WWC2: variants seen among roughly 807,000 people sequenced by gnomAD.
WWC2 encodes protein WWC2.
In WWC2, 101 loss-of-function variants were observed where a neutral mutation model predicts 138.5. The ratio of observed to expected loss-of-function variants is 0.73; its 90% CI spans 0.62 to 0.86. The LOEUF is 0.86. Ranked by LOEUF, WWC2 falls within the 40% of genes least tolerant of loss-of-function variation. WWC2 has a pLI of 0.00. For synonymous variants in WWC2, 558 were observed against 538.4 expected, an observed-to-expected ratio of 1.04 and a Z score of -0.50; for missense variants, 1,420 against 1,419.4, an observed-to-expected ratio of 1.00 and a Z score of -0.01.
At chr4:183,110,192 A>G (rs1027847684) in intron 1 of WWC2, among the ~76,000 whole-genome samples, 3 of 152,254 alleles carry the variant, frequency 2.0e-5, no homozygotes, top group African/African-American at 7.2e-5. Context: ...AGAGTTGTAC[A>G]TAGGACATGA....
intron 1 of WWC2, among the ~76,000 whole-genome samples, chr4:183,111,728 C>G (rs1460424458): frequency 6.6e-6 from 1 of 151,188 alleles, no homozygotes; most frequent in African/African-American, 2.4e-5. Context: ...GGGTCTCACT[C>G]TGTTGCCCAG....
Position 183,261,368 on chromosome 4 carries a change from C to G in WWC2, c.1745C>G (p.Thr582Ser). 6.2e-7 allele frequency: 1 copy of G among 1,613,302 alleles called. No individual in the cohort carries two copies. Residue 582 changes from threonine (T) to serine (S), a missense_variant, in exon 11 of 23, where the codon ACT (threonine) becomes AGT (serine). Thr to Ser is a moderately conservative substitution (Grantham distance 58). Coordinates refer to ENST00000403733, the MANE Select transcript of WWC2 (RefSeq NM_024949.6). The part of the protein sequence containing the change: ...SSHDASLHQF[T>S]ADFEDCELSS... ...CATGATGCCTCTCTCCATCAGTTCA[C>G]TGCTGACTTTGAAGACTGTGAGTTG...
At chr4:183,147,113 A>G (rs537145892) in intron 1 of WWC2, among the ~76,000 whole-genome samples, 2 of 152,324 alleles carry the variant, frequency 1.3e-5, no homozygotes, top group African/African-American at 2.4e-5. Flanking sequence ...TGGGACCACA[A>G]TTCTGTGTTT....
chr4:183,258,999 T>G (rs992548794), intron 9 of WWC2, among the ~76,000 whole-genome samples: 1 of 152,150 alleles, frequency 6.6e-6, no homozygotes, highest in Admixed American at 6.5e-5. Flanking sequence ...CAGTTGAATG[T>G]GGATGAAATT....
At chr4:183,239,160 C>T (rs1350344082) in intron 4 of WWC2, among the ~76,000 whole-genome samples, 1 of 152,144 alleles carries the variant, frequency 6.6e-6, no homozygotes, top group South Asian at 2.1e-4. Flanking sequence ...ACTAAAAACA[C>T]AAAAACTAGC....
At chr4:183,303,115 G>A (rs1327398475) in intron 21 of WWC2, among the ~76,000 whole-genome samples, 3 of 150,868 alleles carry the variant, frequency 2.0e-5, no homozygotes, top group Admixed American at 6.6e-5. Flanking sequence ...GATAACAACT[G>A]TTTTTGAGTA....
chr4:183,317,961 A>G lies in WWC2; in HGVS notation c.*2232A>G, dbSNP rs1560903681. 1 of 152,320 alleles carries G rather than the reference A, an allele frequency of 6.6e-6. No individual in the cohort carries two copies. The highest frequency in any genetic ancestry group is 2.4e-5 in the African/African-American group (1 of 41,584). The allele number at this position is 152,320 out of a possible 1,614,324, so 9.4% of individuals were successfully genotyped here. Reference sequence around the variant, plus strand: ...TTTTTCTACACTTTAAAAGTCAGCAATAGTGTTATGTATTTATAGGCAGCT... The same window carrying G: ...TTTTTCTACACTTTAAAAGTCAGCAGTAGTGTTATGTATTTATAGGCAGCT... On this transcript the variant is annotated 3_prime_UTR_variant, in exon 23 of 23. Transcript: ENST00000403733.
At chr4:183,135,381 T>C (rs947938745) in intron 1 of WWC2, among the ~76,000 whole-genome samples, 8 of 150,858 alleles carry the variant, frequency 5.3e-5, no homozygotes, top group African/African-American at 1.9e-4. Flanking sequence ...AGAGGTTTGC[T>C]TTTTTTTTGG....
chr4:183,201,122 G>A (rs979068800), intron 2 of WWC2, among the ~76,000 whole-genome samples: 8 of 152,172 alleles, frequency 5.3e-5, no homozygotes, highest in Non-Finnish European at 1.0e-4. Context: ...AACCTGAGAA[G>A]TTTGGACTCT....
rs1345819118 is a variant in WWC2, at chr4:183,259,663, A to C, written c.1221A>C (p.Lys407Asn). The change falls in exon 10 of 23, where the codon AAA becomes AAC. Residue 407 changes from lysine (K) to asparagine (N), a missense_variant. By Grantham distance (94) the Lys-to-Asn change is moderately conservative (BLOSUM62 0). Coordinates refer to ENST00000403733, the MANE Select transcript of WWC2 (RefSeq NM_024949.6). ...GATTGAGATTGGAAGAGAGAAGAAA[A>C]GAGCTGCTACAGAAACTTGAAGAAA... ...AERLRLEERR[K>N]ELLQKLEETT... The C allele has an allele frequency of 6.5e-7, 1 of 1,545,486 alleles. No homozygotes were observed. The highest frequency in any genetic ancestry group is 8.7e-7 in the Non-Finnish European group (1 of 1,145,320).
rs1369944814 is a variant in WWC2, at chr4:183,285,963, C to T, written c.3049-4C>T. On this transcript the variant is annotated splice_polypyrimidine_tract_variant and splice_region_variant and intron_variant, in intron 19 of 22. Coordinates refer to ENST00000403733, the MANE Select transcript of WWC2 (RefSeq NM_024949.6). ...GATTTTTTTTTTAAATCTTTTGTTG[C>T]CAGTTAAATCGGAGTGACAGTGACA... The T allele has an allele frequency of 1.3e-6, 2 of 1,580,026 alleles. No individual in the cohort carries two copies. The highest frequency in any genetic ancestry group is 1.7e-6 in the Non-Finnish European group (2 of 1,161,180).
At chr4:183,311,283 TAA>T (rs1188109821) in intron 21 of WWC2, among the ~76,000 whole-genome samples, 2 of 152,210 alleles carry the variant, frequency 1.3e-5, no homozygotes, top group East Asian at 1.9e-4. Context: ...TAAATTGTAG[TAA>T]AGTCATACAG....
chr4:183,232,792 C>T (rs546674295), intron 4 of WWC2, among the ~76,000 whole-genome samples: 24 of 152,122 alleles, frequency 1.6e-4, no homozygotes, highest in African/African-American at 4.1e-4. Flanking sequence ...GGATTACAGG[C>T]GCATGCCACC....
intron 21 of WWC2, among the ~76,000 whole-genome samples, chr4:183,291,092 C>A (rs1411037271): frequency 6.6e-6 from 1 of 152,224 alleles, no homozygotes; most frequent in African/African-American, 2.4e-5. Context: ...TTAGGCCTTA[C>A]ATTTGCCACA....
chr4:183,202,235 G>A (rs1162911151), intron 2 of WWC2, among the ~76,000 whole-genome samples: 1 of 152,072 alleles, frequency 6.6e-6, no homozygotes, highest in Non-Finnish European at 1.5e-5. Context: ...TGGAGTCTGA[G>A]TTAGATAAAA....
chr4:183,169,694 C>T (rs751181412), intron 1 of WWC2, among the ~76,000 whole-genome samples: 1 of 151,924 alleles, frequency 6.6e-6, no homozygotes, highest in South Asian at 2.1e-4. Context: ...GCATATAAGC[C>T]TAATTTGTTT....
At chr4:183,273,350 G>T (rs1284388314) in intron 16 of WWC2, among the ~76,000 whole-genome samples, 2 of 151,860 alleles carry the variant, frequency 1.3e-5, no homozygotes, top group Admixed American at 1.3e-4. Flanking sequence ...TATTGCCCAG[G>T]CTGGAGTACA....
intron 21 of WWC2, among the ~76,000 whole-genome samples, chr4:183,296,219 C>A (rs539838992): frequency 3.3e-5 from 5 of 152,338 alleles, no homozygotes; most frequent in African/African-American, 1.2e-4. Context: ...TGAAGTTGGC[C>A]TTGCCAGTAG....
intron 1 of WWC2, among the ~76,000 whole-genome samples, chr4:183,136,736 A>AT (rs1222947034): frequency 6.6e-6 from 1 of 152,094 alleles, no homozygotes; most frequent in Non-Finnish European, 1.5e-5. Flanking sequence ...TTTTTGCAAA[A>AT]TTTTTTTAAA....
Sources: allele counts gnomAD v4.1 joint callset (sites outside exome capture counted in the v4.1 genomes callset), GRCh38; gene constraint gnomAD v4.1.1; transcripts MANE v1.5; gene names NCBI Gene and HGNC (gene_info 2026-07-23, HGNC 2026-07-21).